The following DAB1 variants were observed in gnomAD, a reference collection of about 807,000 sequenced individuals.
DAB1 encodes disabled homolog 1.
In DAB1, 15 loss-of-function variants were observed where a neutral mutation model predicts 64.6. That is an observed-to-expected ratio of 0.23 (90% CI 0.16 to 0.36). DAB1 has a LOEUF of 0.36. Ranked by LOEUF, DAB1 falls within the 10% of genes least tolerant of loss-of-function variation. The pLI is 1.00. For synonymous variants in DAB1, 235 were observed against 251.9 expected, an observed-to-expected ratio of 0.93 and a Z score of 0.64; for missense variants, 596 against 706.7, an observed-to-expected ratio of 0.84 and a Z score of 1.78.
intron 4 of DAB1, among the ~76,000 whole-genome samples, chr1:58,185,810 G>A (rs560947108): frequency 2.0e-5 from 3 of 152,216 alleles, no homozygotes; most frequent in Non-Finnish European, 4.4e-5. Context: ...GTGTGTTCAG[G>A]TGGTACTGCC....
intron 5 of DAB1, among the ~76,000 whole-genome samples, chr1:57,903,756 T>A (rs371450609): frequency 6.6e-6 from 1 of 152,162 alleles, no homozygotes. Context: ...CACTGGTTAT[T>A]GTGGAATACA....
chr1:58,450,029 A>G (rs973905495), intron 3 of DAB1, among the ~76,000 whole-genome samples: 1 of 152,204 alleles, frequency 6.6e-6, no homozygotes, highest in Non-Finnish European at 1.5e-5. Flanking sequence ...AGTGAATGGG[A>G]GTACGTGACA....
At chr1:58,304,142 A>G (rs1239819246) in intron 4 of DAB1, among the ~76,000 whole-genome samples, 20 of 152,214 alleles carry the variant, frequency 1.3e-4, no homozygotes, top group Non-Finnish European at 1.5e-5. Context: ...TAGAGCAGTC[A>G]GGAATCATAT....
At chr1:58,543,793 A>T (rs1473908258) in intron 1 of DAB1, among the ~76,000 whole-genome samples, 1 of 152,252 alleles carries the variant, frequency 6.6e-6, no homozygotes, top group Non-Finnish European at 1.5e-5. Context: ...TGTATAACAG[A>T]GGTGGCAAAC....
chr1:58,201,629 A>AT (rs1407428966), intron 4 of DAB1, among the ~76,000 whole-genome samples: 1 of 152,232 alleles, frequency 6.6e-6, no homozygotes, highest in Non-Finnish European at 1.5e-5. Flanking sequence ...CTTTAGTCCC[A>AT]GAGGAAGTTT....
chr1:57,197,906 G>A (rs189963695), intron 2 of DAB1, among the ~76,000 whole-genome samples: 319 of 152,176 alleles, frequency 2.1e-3, no homozygotes, highest in South Asian at 1.9e-3. Context: ...TTAAAGTATG[G>A]TTTGATGGTG....
At position 58,496,169 on chromosome 1, in the gene DAB1, C is replaced by CTTTTTTTTTTTTTTTTTTTTTTTTTTTTT. The variant is rs375006213; in HGVS notation, n.257+9890_257+9891insAAAAAAAAAAAAAAAAAAAAAAAAAAAAA. 3.4e-5 allele frequency among the ~76,000 whole-genome samples: 5 copies of CTTTTTTTTTTTTTTTTTTTTTTTTTTTTT among 144,970 alleles called. No homozygotes were observed. In the East Asian group the frequency reaches 1.1e-3, roughly 31 times the overall value. On this transcript the variant is annotated intron_variant and non_coding_transcript_variant, in intron 3 of 20. Coordinates refer to the DAB1 transcript ENST00000485760. ...TTCAATATTCTTTCATTTTTTTAGA[C>CTTTTTTTTTTTTTTTTTTTTTTTTTTTTT]TTTTTTTTTTTGGCTTTGGGCATTT...
At chr1:57,098,559 T>C (rs554582477) in intron 4 of DAB1, among the ~76,000 whole-genome samples, 2 of 152,274 alleles carry the variant, frequency 1.3e-5, no homozygotes, top group East Asian at 3.9e-4. Context: ...TATGAAAGCA[T>C]TTTACAAGCC....
intron 1 of DAB1, among the ~76,000 whole-genome samples, chr1:57,339,499 A>C (rs1570316568): frequency 6.6e-6 from 1 of 152,344 alleles, no homozygotes; most frequent in Middle Eastern, 3.4e-3. Context: ...CAAAGCCTTT[A>C]ACAAAGCAGT....
intron 5 of DAB1, among the ~76,000 whole-genome samples, chr1:58,111,780 T>TTCTC (rs937139065): frequency 6.6e-6 from 1 of 151,478 alleles, no homozygotes; most frequent in Non-Finnish European, 1.5e-5. Context: ...ATCAATATCA[T>TTCTC]TCTCTCTCTC....
At chr1:57,249,793 A>T (rs1386296548) in intron 2 of DAB1, among the ~76,000 whole-genome samples, 2 of 152,210 alleles carry the variant, frequency 1.3e-5, no homozygotes, top group African/African-American at 2.4e-5. Flanking sequence ...CCACTGATGG[A>T]GCTTTGTACA....
rs541620374 is a variant in DAB1, at chr1:58,113,935, A to T, written n.387+36576T>A. On this transcript the variant is annotated intron_variant and non_coding_transcript_variant, in intron 5 of 20. Transcript: ENST00000485760. The stretch of plus-strand genomic sequence containing the variant: ...AAGGTGCCCCCCCAAAGTGAGAGAC[A>T]CAAGATTGCTCTCTTATAAGTTAAT... Among the ~76,000 whole-genome samples the T allele has an allele frequency of 3.9e-5, 6 of 152,188 alleles. No individual in the cohort carries two copies. In the East Asian group the frequency reaches 1.2e-3, roughly 29 times the overall value.
chr1:57,960,860 G>A (rs1433932001), intron 5 of DAB1, among the ~76,000 whole-genome samples: 1 of 152,240 alleles, frequency 6.6e-6, no homozygotes, highest in Non-Finnish European at 1.5e-5. Context: ...TCAACCCTTA[G>A]GAGCTTGCAG....
At chr1:57,280,819 A>T (rs561821350) in intron 2 of DAB1, among the ~76,000 whole-genome samples, 56 of 152,300 alleles carry the variant, frequency 3.7e-4, no homozygotes, top group Non-Finnish European at 6.3e-4. Context: ...AGATTTTTTT[A>T]AATTTTTTTT....
At chr1:57,521,832 G>A (rs918986977) in intron 7 of DAB1, among the ~76,000 whole-genome samples, 5 of 152,132 alleles carry the variant, frequency 3.3e-5, no homozygotes, top group South Asian at 2.1e-4. Flanking sequence ...CCATTCGGCC[G>A]GGCGTGGTGG....
At chr1:58,481,140 G>A in intron 3 of DAB1, 2 of 864,250 alleles carry the variant, frequency 2.3e-6, no homozygotes, top group Middle Eastern at 4.4e-4. Context: ...ATTAGACAGT[G>A]GTGGACAATT....
chr1:57,181,470 T>A (rs1662927933), intron 2 of DAB1, among the ~76,000 whole-genome samples: 2 of 152,158 alleles, frequency 1.3e-5, no homozygotes, highest in South Asian at 4.1e-4. Context: ...ATCTTGAAAA[T>A]GCCCATGACA....
At chr1:58,511,434 G>A (rs1646075165) in intron 2 of DAB1, among the ~76,000 whole-genome samples, 1 of 152,058 alleles carries the variant, frequency 6.6e-6, no homozygotes, top group Non-Finnish European at 1.5e-5. Context: ...GATTGCTTGA[G>A]ACCAGGAGTC....
At chr1:57,458,576 A>AT (rs1686679400) in intron 7 of DAB1, among the ~76,000 whole-genome samples, 1 of 152,076 alleles carries the variant, frequency 6.6e-6, no homozygotes, top group South Asian at 2.1e-4. Context: ...AACAAAAGGT[A>AT]TTTACTCTTG....
Sources: allele counts gnomAD v4.1 joint callset (sites outside exome capture counted in the v4.1 genomes callset), GRCh38; gene constraint gnomAD v4.1.1; transcripts MANE v1.5; gene names NCBI Gene and HGNC (gene_info 2026-07-23, HGNC 2026-07-21).